Variants in CEP72 observed in about 807,000 individuals in gnomAD.
CEP72 encodes centrosomal protein 72, also known as centrosomal protein of 72 kDa.
A neutral mutation model predicts 65.7 loss-of-function variants in CEP72; 78 were observed. The observed-to-expected ratio is 1.19, with a 90% confidence interval of 0.99 to 1.43. The LOEUF (loss-of-function observed/expected upper bound fraction) is 1.43. Among genes scored for constraint, CEP72 ranks in the 40% most tolerant of loss-of-function variants. The probability of loss-of-function intolerance (pLI) is 0.00; values close to 1 mark genes in which losing one functional copy is unlikely to be tolerated. For synonymous variants in CEP72, 358 were observed against 351.7 expected (o/e 1.02, Z -0.20); for missense variants, 914 against 832.9 (o/e 1.10, Z -1.20).
rs149602296 is a variant in CEP72, at chr5:645,738, A to G, written c.1666+1313A>G. Among the ~76,000 whole-genome samples, 1 of 152,376 alleles carries G rather than the reference A, an allele frequency of 6.6e-6. No individual in the cohort carries two copies. Among genetic ancestry groups the G allele is most frequent in the Non-Finnish European group, 1.5e-5 (1 of 68,042 alleles). On this transcript the variant is annotated intron_variant, in intron 10 of 11. Coordinates refer to ENST00000264935, the MANE Select transcript of CEP72 (RefSeq NM_018140.4). The surrounding 1 kb of genome is among the most constrained non-coding windows in gnomAD (Gnocchi z 4.0). ...TGCCCCTGAACTGGAACAACAGAGT[A>G]AATAATAGTCTAACTTGTCTTTGTT...
chr5:624,423 C>A lies in CEP72; in HGVS notation c.404-48C>A. The A allele has an allele frequency of 7.0e-7, 1 of 1,430,944 alleles. No individual in the cohort carries two copies. Among genetic ancestry groups the A allele is most frequent in the Non-Finnish European group, 9.8e-7 (1 of 1,015,556 alleles). 88.6% of individuals were successfully genotyped at this position (1,430,944 alleles called of 1,614,324 possible). A position where few individuals can be genotyped will look rare whatever the true frequency, so the allele number is the denominator to read the frequency against. ...GTAGATGCCCCAGGGTGGATGCAGC[C>A]GCCCGCCGCTTGCCACCTGCACAGT... On this transcript the variant is annotated intron_variant, in intron 3 of 11. Transcript: ENST00000264935. This position sits in a 1 kb window ranked among gnomAD's most constrained non-coding sequence, Gnocchi z 4.7.
intron 4 of CEP72, among the ~76,000 whole-genome samples, chr5:628,754 G>A (rs868800330): frequency 4.5e-4 from 56 of 123,926 alleles, no homozygotes; most frequent in African/African-American, 1.1e-3. Flanking sequence ...TCAGGTTGCA[G>A]TCCCCGGGGA....
chr5:618,239 T>G (rs555963952), intron 1 of CEP72, among the ~76,000 whole-genome samples: 1 of 152,120 alleles, frequency 6.6e-6, no homozygotes, highest in Non-Finnish European at 1.5e-5. Context: ...GAGATAAACA[T>G]AAGCCGAAAC....
chr5:636,515 T>C (rs1338518086), intron 6 of CEP72, among the ~76,000 whole-genome samples: 1 of 152,148 alleles, frequency 6.6e-6, no homozygotes, highest in African/African-American at 2.4e-5. Flanking sequence ...TCAGAAAACC[T>C]CCTGCCGTGA....
chr5:618,998 CAGT>C lies in CEP72; in HGVS notation c.92_94del (p.Gln31_Ser32delinsPro). ...AATTTTTCTATTCTTAGCTGAGCTTCAGTCATTGTCTATTCCTGGAACTTACCA... is the reference window on the plus strand; with the variant it reads ...AATTTTTCTATTCTTAGCTGAGCTTCCATTGTCTATTCCTGGAACTTACCA... On this transcript the variant is annotated inframe_deletion, in exon 2 of 12. Transcript: ENST00000264935. 3 of 1,608,028 alleles carry C rather than the reference CAGT, an allele frequency of 1.9e-6. No individual in the cohort carries two copies. Among genetic ancestry groups the C allele is most frequent in the Non-Finnish European group, 2.6e-6 (3 of 1,174,734 alleles).
At chr5:670,878 G>C (rs973801434), downstream of CEP72, among the ~76,000 whole-genome samples, 1 of 152,214 alleles carries the variant, frequency 6.6e-6, no homozygotes, top group Non-Finnish European at 1.5e-5. Context: ...CCTGGGGGCA[G>C]GTGAGGTGAT....
rs756758104 is a variant in CEP72 at position 652,951 on chromosome 5, G to C, written c.1779-37G>C. 1.9e-6 allele frequency: 3 copies of C among 1,564,482 alleles called. No homozygotes were observed. In the South Asian group the frequency reaches 3.6e-5, roughly 19 times the overall value. On this transcript the variant is annotated intron_variant, in intron 11 of 11. Transcript: ENST00000264935. ...TGAGGGCCACACCGCTGGAGAGGAC[G>C]GAAGTGCCAAGCAGCCGCTTCCCTG...
At chr5:646,868 G>T (rs1738462862) in intron 10 of CEP72, among the ~76,000 whole-genome samples, 1 of 152,198 alleles carries the variant, frequency 6.6e-6, no homozygotes, top group African/African-American at 2.4e-5. Flanking sequence ...GGCCTCTGGG[G>T]GTTTGTCCCA....
chr5:624,357 G>A lies in CEP72; in HGVS notation c.404-114G>A. 1.4e-6 allele frequency: 1 copy of A among 690,122 alleles called. No individual in the cohort carries two copies. The allele number at this position is 690,122 out of a possible 1,614,324, so 42.7% of individuals were successfully genotyped here. ...CCAGCATTCCGGTGCTAGGTTAGTG[G>A]GAGCAGGGCTGGCCCCGAGGGGATG... On this transcript the variant is annotated intron_variant, in intron 3 of 11. Transcript: ENST00000264935. This position sits in a 1 kb window ranked among gnomAD's most constrained non-coding sequence, Gnocchi z 4.7.
rs781218755 is a variant in CEP72, at chr5:645,479, G to A, written c.1666+1054G>A. 6.7e-6 allele frequency among the ~76,000 whole-genome samples: 1 copy of A among 150,180 alleles called. No individual in the cohort carries two copies. Among genetic ancestry groups the A allele is most frequent in the Non-Finnish European group, 1.5e-5 (1 of 67,586 alleles). On this transcript the variant is annotated intron_variant, in intron 10 of 11. Coordinates refer to ENST00000264935, the MANE Select transcript of CEP72 (RefSeq NM_018140.4). This position sits in a 1 kb window ranked among gnomAD's most constrained non-coding sequence, Gnocchi z 4.0. Reference sequence around the variant, plus strand: ...GTGATGAGAAAAAAAAAAAAAAACAGTTCCCTGCCCGGGAGAACTGTGTGT... The same window carrying A: ...GTGATGAGAAAAAAAAAAAAAAACAATTCCCTGCCCGGGAGAACTGTGTGT...
intron 4 of CEP72, chr5:666,170 G>A: frequency 6.4e-7 from 1 of 1,557,844 alleles, no homozygotes. Flanking sequence ...CCGGCCCAGG[G>A]CTGCCCTCCC....
At chr5:663,029 CG>C (rs1739719946) in intron 1 of CEP72, 1 of 150,844 alleles carries the variant, frequency 6.6e-6, no homozygotes. Context: ...CGTCTGTGAT[CG>C]GGTGAGTCCG....
the CEP72 span, among the ~76,000 whole-genome samples, chr5:674,043 C>T: frequency 1.3e-5 from 2 of 152,338 alleles, no homozygotes; most frequent in African/African-American, 2.4e-5. Context: ...TTGGTGTGTC[C>T]GGGCCAGCGC....
intron 11 of CEP72, among the ~76,000 whole-genome samples, chr5:649,131 G>A (rs1178103668): frequency 4.3e-5 from 6 of 140,752 alleles, no homozygotes; most frequent in South Asian, 4.6e-4. Flanking sequence ...AATGTGAGGC[G>A]TGACTGTGAG....
At chr5:662,016 GGCAGGGTGCCACA>G (rs1344621725), downstream of CEP72, 3 of 152,526 alleles carry the variant, frequency 2.0e-5, no homozygotes, top group Non-Finnish European at 2.9e-5. Context: ...GGCCAGGACG[GGCAGGGTGCCACA>G]GCAGCCTCGA....
chr5:663,239 A>C (rs933049593), intron 1 of CEP72: 5 of 152,060 alleles, frequency 3.3e-5, no homozygotes, highest in Non-Finnish European at 7.4e-5. Context: ...CCGCACATTC[A>C]GAGTTGTTTT....
In CEP72 at chr5:633,958, C is replaced by T. The variant is rs2126777767; in HGVS notation, c.691+11C>T. ...CTCGTGGTTCCCAAGGTGCGCTGCT[C>T]ATCTGCCAGGAGGCCAGTGGGTCCG... is the stretch of plus-strand genomic sequence containing the variant. On this transcript the variant is annotated intron_variant, in intron 5 of 11. Coordinates refer to ENST00000264935, the MANE Select transcript of CEP72 (RefSeq NM_018140.4). 6.2e-7 allele frequency: 1 copy of T among 1,609,334 alleles called. No individual in the cohort carries two copies.
downstream of CEP72, among the ~76,000 whole-genome samples, chr5:669,609 CCTTT>C (rs1243278443): frequency 5.3e-5 from 8 of 152,276 alleles, no homozygotes; most frequent in Non-Finnish European, 1.0e-4. Context: ...GGCACGCAGC[CCTTT>C]CTGACGGCCT....
chr5:633,414 G>T (rs1429357980), intron 4 of CEP72, among the ~76,000 whole-genome samples: 59 of 124,488 alleles, frequency 4.7e-4, no homozygotes, highest in African/African-American at 1.2e-3. Context: ...CTGGTGGGGT[G>T]CTGTCCAGTG....
Sources: allele counts gnomAD v4.1 joint callset (sites outside exome capture counted in the v4.1 genomes callset), GRCh38; gene constraint gnomAD v4.1.1; non-coding constraint Gnocchi (gnomAD v3.1); transcripts MANE v1.5; gene names NCBI Gene and HGNC (gene_info 2026-07-23, HGNC 2026-07-21).